Variants in FOXN3 observed in about 807,000 individuals in gnomAD.
FOXN3 encodes forkhead box protein N3.
FOXN3 carries 7 observed loss-of-function variants against 38.4 expected under a neutral mutation model. That is an observed-to-expected ratio of 0.18 (90% CI 0.10 to 0.34). The LOEUF (loss-of-function observed/expected upper bound fraction) is 0.34, where lower values mean the gene tolerates loss of function less well. FOXN3 is among the 10% of genes least tolerant of loss of function. The pLI is 1.00. For synonymous variants in FOXN3, 230 were observed against 242.2 expected, an observed-to-expected ratio of 0.95 and a Z score of 0.47; for missense variants, 456 against 613.4, an observed-to-expected ratio of 0.74 and a Z score of 2.71.
intron 4 of FOXN3, among the ~76,000 whole-genome samples, chr14:89,257,848 A>C (rs1180905472): frequency 6.6e-6 from 1 of 152,108 alleles, no homozygotes; most frequent in Non-Finnish European, 1.5e-5. Context: ...GTGGATTTTG[A>C]TTTTAACCTC....
intron 4 of FOXN3, among the ~76,000 whole-genome samples, chr14:89,202,521 C>G (rs1203482030): frequency 6.6e-6 from 1 of 152,214 alleles, no homozygotes; most frequent in Non-Finnish European, 1.5e-5. Context: ...TGCTCGACCT[C>G]TCTAAAGCAC....
intron 3 of FOXN3, among the ~76,000 whole-genome samples, chr14:89,315,275 G>A (rs1887685751): frequency 6.6e-6 from 1 of 152,034 alleles, no homozygotes; most frequent in African/African-American, 2.4e-5. Flanking sequence ...GTCTCTTGGT[G>A]CAGCATCACA....
intron 4 of FOXN3, among the ~76,000 whole-genome samples, chr14:89,248,104 T>C (rs2139874794): frequency 6.6e-6 from 1 of 152,314 alleles, no homozygotes; most frequent in East Asian, 1.9e-4. Flanking sequence ...TACCTTCACC[T>C]TACTTTTTTC....
intron 1 of FOXN3, among the ~76,000 whole-genome samples, chr14:89,572,383 T>C (rs1895513066): frequency 1.3e-5 from 2 of 152,214 alleles, no homozygotes; most frequent in Admixed American, 6.5e-5. Context: ...TCACTGTCTA[T>C]TAGTATAAGA....
rs538110337 is a variant in FOXN3 at position 89,581,524 on chromosome 14, C to T, written c.-15+37504G>A. Among the ~76,000 whole-genome samples the T allele has an allele frequency of 1.4e-4, 22 of 151,844 alleles. No individual in the cohort carries two copies. In the South Asian group the frequency reaches 1.7e-3, roughly 12 times the overall value. Reference sequence around the variant, plus strand: ...AGAAAGATAGAATAGGAAAAAAGCACGTGGTTTAAAGTTCCCTGGGTCACT... The same window carrying T: ...AGAAAGATAGAATAGGAAAAAAGCATGTGGTTTAAAGTTCCCTGGGTCACT... On this transcript the variant is annotated intron_variant, in intron 1 of 6. Transcript: ENST00000345097.
intron 1 of FOXN3, among the ~76,000 whole-genome samples, chr14:89,602,249 AC>A (rs1896166284): frequency 6.6e-6 from 1 of 151,502 alleles, no homozygotes; most frequent in South Asian, 2.1e-4. Flanking sequence ...AGATCACACC[AC>A]TGCACTCCAG....
At chr14:89,169,499 CTAAG>C (rs1213030557) in intron 5 of FOXN3, among the ~76,000 whole-genome samples, 1 of 119,152 alleles carries the variant, frequency 8.4e-6, no homozygotes, top group Non-Finnish European at 1.8e-5. Context: ...ATAATAATGA[CTAAG>C]TGGTTACACA....
At chr14:89,327,416 A>T (rs1888114744) in intron 3 of FOXN3, among the ~76,000 whole-genome samples, 1 of 152,240 alleles carries the variant, frequency 6.6e-6, no homozygotes, top group Non-Finnish European at 1.5e-5. Flanking sequence ...AGTGACAAGT[A>T]TGCGACAAGG....
chr14:89,297,435 C>T (rs1400355248), intron 3 of FOXN3, among the ~76,000 whole-genome samples: 2 of 152,016 alleles, frequency 1.3e-5, no homozygotes, highest in African/African-American at 2.4e-5. Context: ...TGGCGGGCGC[C>T]TGTAGTCCCA....
rs1893395696 is a variant in FOXN3 at position 89,484,036 on chromosome 14, A to G, written c.-14-71546T>C. ...ATTTAGGTTAATCCAAGAAGTCTGG[A>G]TGCTTCATCTTACAGACAACCCTAA... On this transcript the variant is annotated intron_variant, in intron 1 of 6. Transcript: ENST00000345097. The surrounding 1 kb of genome is among the most constrained non-coding windows in gnomAD (Gnocchi z 4.0). Among the ~76,000 whole-genome samples the G allele has an allele frequency of 6.6e-6, 1 of 152,212 alleles. No homozygotes were observed. The highest frequency in any genetic ancestry group is 6.5e-5 in the Admixed American group (1 of 15,282).
rs56703972 is a variant in FOXN3, at chr14:89,435,461, A to G, written c.-14-22971T>C. On this transcript the variant is annotated intron_variant, in intron 1 of 6. Coordinates refer to the FOXN3 transcript ENST00000345097. ...CTGTATACATGAGAGACAGAGAAGA[A>G]GCATACTCCCTTAACTCACTGCCAT... Among the ~76,000 whole-genome samples the G allele has an allele frequency of 7.4e-4, 112 of 152,038 alleles. 3 individuals carry two copies. In the East Asian group the frequency reaches 0.02, roughly 27 times the overall value.
chr14:89,241,557 A>G (rs1375530261), intron 4 of FOXN3, among the ~76,000 whole-genome samples: 1 of 152,124 alleles, frequency 6.6e-6, no homozygotes, highest in Non-Finnish European at 1.5e-5. Flanking sequence ...GTTTCCTCCT[A>G]TGTAAAGCGG....
At chr14:89,448,131 T>TACAC (rs1445464066) in intron 1 of FOXN3, among the ~76,000 whole-genome samples, 1 of 152,146 alleles carries the variant, frequency 6.6e-6, no homozygotes, top group Non-Finnish European at 1.5e-5. Flanking sequence ...TTCTTACATG[T>TACAC]ACACATTAAA....
intron 4 of FOXN3, among the ~76,000 whole-genome samples, chr14:89,249,927 T>G (rs969264860): frequency 6.6e-6 from 1 of 152,168 alleles, no homozygotes; most frequent in Non-Finnish European, 1.5e-5. Flanking sequence ...TGGCCATCAA[T>G]AAAACTTTTT....
intron 3 of FOXN3, among the ~76,000 whole-genome samples, chr14:89,305,594 C>T (rs578229143): frequency 2.0e-5 from 3 of 152,342 alleles, no homozygotes; most frequent in African/African-American, 7.2e-5. Context: ...TTTCTGCCAA[C>T]TGTTTTGTTG....
At chr14:89,221,202 A>T (rs1022480402) in intron 4 of FOXN3, among the ~76,000 whole-genome samples, 1 of 152,162 alleles carries the variant, frequency 6.6e-6, no homozygotes, top group Non-Finnish European at 1.5e-5. Context: ...AGTGGTAACA[A>T]TGATTATTTT....
At position 89,549,503 on chromosome 14, in the gene FOXN3, C is replaced by T. The variant is rs561196198; in HGVS notation, c.-15+69525G>A. 2.0e-4 allele frequency among the ~76,000 whole-genome samples: 31 copies of T among 152,172 alleles called. No individual in the cohort carries two copies. In the South Asian group the frequency reaches 2.1e-3, roughly 10 times the overall value. Reference sequence around the variant, plus strand: ...GCAGAGCCCTCTCTGGCCCCAGGCACTCCAGCACCTAGTGGCTTGTGTGAG... The same window carrying T: ...GCAGAGCCCTCTCTGGCCCCAGGCATTCCAGCACCTAGTGGCTTGTGTGAG... On this transcript the variant is annotated intron_variant, in intron 1 of 6. Transcript: ENST00000345097.
chr14:89,432,930 C>T (rs976661264), intron 1 of FOXN3, among the ~76,000 whole-genome samples: 3 of 152,184 alleles, frequency 2.0e-5, no homozygotes, highest in Non-Finnish European at 2.9e-5. Flanking sequence ...ATTCTCCTGC[C>T]TTGACCTCCC....
intron 1 of FOXN3, among the ~76,000 whole-genome samples, chr14:89,553,312 T>C (rs1596315548): frequency 6.8e-6 from 1 of 146,998 alleles, no homozygotes; most frequent in South Asian, 2.1e-4. Flanking sequence ...TTTGGCCTCA[T>C]AGCCAAGAAG....
Sources: allele counts gnomAD v4.1 joint callset (sites outside exome capture counted in the v4.1 genomes callset), GRCh38; gene constraint gnomAD v4.1.1; non-coding constraint Gnocchi (gnomAD v3.1); transcripts MANE v1.5; gene names NCBI Gene and HGNC (gene_info 2026-07-23, HGNC 2026-07-21).